CDH13: variants seen among roughly 807,000 people sequenced by gnomAD.
The protein encoded by CDH13 is cadherin 13, also known as cadherin-13.
A neutral mutation model predicts 63.8 loss-of-function variants in CDH13; 24 were observed. The ratio of observed to expected loss-of-function variants is 0.38; its 90% CI spans 0.27 to 0.53. CDH13 has a LOEUF of 0.53. Among genes scored for constraint, CDH13 ranks in the 20% least tolerant of loss-of-function variants. The pLI is 0.85. For synonymous variants in CDH13, 503 were observed against 355.3 expected (o/e 1.42, Z -4.67); for missense variants, 1,049 against 903.1 (o/e 1.16, Z -2.07).
At chr16:83,211,772 G>A (rs1490467933) in intron 4 of CDH13, among the ~76,000 whole-genome samples, 1 of 151,674 alleles carries the variant, frequency 6.6e-6, no homozygotes, top group East Asian at 1.9e-4. Context: ...CCCCCAAACA[G>A]CCAGCCAGGA....
intron 3 of CDH13, among the ~76,000 whole-genome samples, chr16:83,051,596 A>T (rs2030342646): frequency 1.3e-5 from 2 of 152,230 alleles, no homozygotes; most frequent in Admixed American, 6.5e-5. Flanking sequence ...CAATGATTGC[A>T]TGTGGGTGGC....
At chr16:83,208,769 C>T (rs1287850341) in intron 4 of CDH13, among the ~76,000 whole-genome samples, 2 of 152,158 alleles carry the variant, frequency 1.3e-5, no homozygotes, top group African/African-American at 4.8e-5. Flanking sequence ...GTATAGTTAT[C>T]ATCCTCTGAA....
intron 6 of CDH13, among the ~76,000 whole-genome samples, chr16:83,358,972 A>C (rs760023654): frequency 4.6e-5 from 7 of 152,198 alleles, no homozygotes; most frequent in Non-Finnish European, 8.8e-5. Context: ...AATAATGCAC[A>C]CCATGATGGG....
chr16:83,430,330 A>C (rs1396769301), intron 6 of CDH13, among the ~76,000 whole-genome samples: 1 of 152,204 alleles, frequency 6.6e-6, no homozygotes, highest in Non-Finnish European at 1.5e-5. Flanking sequence ...ATACACACAC[A>C]TACTCCCACA....
chr16:83,610,472 C>T (rs1475096398), intron 8 of CDH13, among the ~76,000 whole-genome samples: 2 of 152,146 alleles, frequency 1.3e-5, no homozygotes, highest in African/African-American at 2.4e-5. Context: ...ATATGATCAG[C>T]AACTCAAAAG....
rs2039328496 is a variant in CDH13, at chr16:82,847,871, G to C, written c.46-10491G>C. ...GGCTTTTTGCCCCATGCTTTTCCTT[G>C]TTTTATTGTTTTCTTGTGCTTCACT... On this transcript the variant is annotated intron_variant, in intron 1 of 13. Coordinates refer to ENST00000567109, the MANE Select transcript of CDH13 (RefSeq NM_001257.5). 2.2e-5 allele frequency among the ~76,000 whole-genome samples: 3 copies of C among 139,270 alleles called. No homozygotes were observed. In the Admixed American group the frequency reaches 2.2e-4, roughly 10 times the overall value. 91.4% of individuals were successfully genotyped at this position (139,270 alleles called of 152,430 possible). A position where few individuals can be genotyped will look rare whatever the true frequency, so the allele number is the denominator to read the frequency against.
intron 4 of CDH13, among the ~76,000 whole-genome samples, chr16:83,163,647 C>T (rs1288809083): frequency 6.6e-6 from 1 of 152,042 alleles, no homozygotes; most frequent in Non-Finnish European, 1.5e-5. Context: ...GTGTCATCTC[C>T]ACTCTCTTTC....
In CDH13 at chr16:83,237,052, G is replaced by C. The variant is rs146627640; in HGVS notation, c.636+19555G>C. On this transcript the variant is annotated intron_variant, in intron 5 of 13. Coordinates refer to ENST00000567109, the MANE Select transcript of CDH13 (RefSeq NM_001257.5). Reference sequence around the variant, plus strand: ...TGTGAGGACCAGGAGGAAGAGGGTGGGGCAGAGGGGACAAGGCAGATTCGA... The same window carrying C: ...TGTGAGGACCAGGAGGAAGAGGGTGCGGCAGAGGGGACAAGGCAGATTCGA... 3.1e-3 allele frequency among the ~76,000 whole-genome samples: 476 copies of C among 152,230 alleles called. 2 individuals carry two copies. Among genetic ancestry groups the C allele is most frequent in the African/African-American group, 0.011 (454 of 41,554 alleles).
chr16:82,702,384 G>A (rs2031106239), intron 1 of CDH13, among the ~76,000 whole-genome samples: 1 of 152,138 alleles, frequency 6.6e-6, no homozygotes, highest in Non-Finnish European at 1.5e-5. Flanking sequence ...CACCTCCCCT[G>A]CTAGACACTG....
intron 1 of CDH13, among the ~76,000 whole-genome samples, chr16:82,742,515 A>C (rs1403439182): frequency 6.6e-6 from 1 of 152,078 alleles, no homozygotes; most frequent in Non-Finnish European, 1.5e-5. Context: ...TTGAGCCTTG[A>C]CTTGTTTATC....
intron 2 of CDH13, among the ~76,000 whole-genome samples, chr16:82,893,064 C>G (rs2041137697): frequency 6.6e-6 from 1 of 152,204 alleles, no homozygotes; most frequent in South Asian, 2.1e-4. Context: ...GGTCAGACAT[C>G]AAAGTCCCTG....
At chr16:83,257,052 T>C (rs912071783) in intron 5 of CDH13, among the ~76,000 whole-genome samples, 1 of 150,320 alleles carries the variant, frequency 6.7e-6, no homozygotes, top group Non-Finnish European at 1.5e-5. Context: ...GAACCAGTAA[T>C]GATAAGTAAT....
chr16:82,852,835 C>T (rs1036419214), intron 1 of CDH13, among the ~76,000 whole-genome samples: 2 of 152,148 alleles, frequency 1.3e-5, no homozygotes, highest in African/African-American at 4.8e-5. Flanking sequence ...GCTAAACTAA[C>T]CACATCTGCT....
At chr16:83,526,708 C>G (rs2151626983) in intron 7 of CDH13, among the ~76,000 whole-genome samples, 1 of 152,350 alleles carries the variant, frequency 6.6e-6, no homozygotes, top group Admixed American at 6.5e-5. Context: ...AACACTGACT[C>G]TTTCACTTCC....
rs148317934 is a variant in CDH13 at position 82,802,394 on chromosome 16, C to T, written c.46-55968C>T. 6.8e-3 allele frequency among the ~76,000 whole-genome samples: 1,041 copies of T among 152,254 alleles called. 9 individuals are homozygous for T. The highest frequency in any genetic ancestry group is 0.012 in the Admixed American group (183 of 15,298). On this transcript the variant is annotated intron_variant, in intron 1 of 13. Transcript: ENST00000567109. ...CTTTACAGAATGCTCTTTTCTGCTT[C>T]GCCTGGCAAAACAGGAGGATATCTG...
chr16:83,156,839 C>A (rs539788298), intron 4 of CDH13, among the ~76,000 whole-genome samples: 1 of 152,128 alleles, frequency 6.6e-6, no homozygotes, highest in East Asian at 1.9e-4. Context: ...AGAGGCTTGC[C>A]ATCAGTAGAT....
intron 3 of CDH13, among the ~76,000 whole-genome samples, chr16:83,052,035 G>C (rs1293129633): frequency 6.6e-6 from 1 of 152,168 alleles, no homozygotes; most frequent in Non-Finnish European, 1.5e-5. Flanking sequence ...AAAATGGTTA[G>C]ATAAATTAGA....
At chr16:82,876,440 T>G (rs1207522021) in intron 2 of CDH13, among the ~76,000 whole-genome samples, 3 of 152,204 alleles carry the variant, frequency 2.0e-5, no homozygotes, top group African/African-American at 7.2e-5. Context: ...TATTTTCAAG[T>G]TTTGAACCTT....
chr16:83,536,639 A>G (rs1002697316), intron 7 of CDH13, among the ~76,000 whole-genome samples: 2 of 152,072 alleles, frequency 1.3e-5, no homozygotes, highest in African/African-American at 4.8e-5. Flanking sequence ...TTATATGGAG[A>G]TATATACAGA....
Sources: gnomAD v4.1 joint callset for allele counts (sites outside exome capture counted in the v4.1 genomes callset) on GRCh38, gnomAD v4.1.1 for gene constraint, MANE v1.5 for transcripts, NCBI Gene and HGNC (gene_info 2026-07-23, HGNC 2026-07-21) for gene names.